The following ANO4 variants were observed in gnomAD, a reference collection of about 807,000 sequenced individuals.
ANO4 encodes the protein anoctamin 4.
A neutral mutation model predicts 141.9 loss-of-function variants in ANO4; 69 were observed. The ratio of observed to expected loss-of-function variants is 0.49; its 90% CI spans 0.40 to 0.59. The LOEUF (loss-of-function observed/expected upper bound fraction) is 0.59. Ranked by LOEUF, ANO4 falls within the 20% of genes least tolerant of loss-of-function variation. The pLI, the probability that ANO4 is intolerant of heterozygous loss-of-function variation, is 0.00. For synonymous variants in ANO4, 350 were observed against 394.3 expected, an observed-to-expected ratio of 0.89 and a Z score of 1.33; for missense variants, 894 against 1,162.2, an observed-to-expected ratio of 0.77 and a Z score of 3.36.
chr12:100,796,069 C>T (rs192979223), intron 1 of ANO4, among the ~76,000 whole-genome samples: 2 of 143,364 alleles, frequency 1.4e-5, no homozygotes, highest in Non-Finnish European at 3.0e-5. Context: ...GCAGGTGTGT[C>T]GAACTATTTT....
chr12:101,021,246 C>T (rs549531222), intron 9 of ANO4, among the ~76,000 whole-genome samples: 1 of 152,292 alleles, frequency 6.6e-6, no homozygotes, highest in Admixed American at 6.5e-5. Flanking sequence ...ACATCAGCAG[C>T]ACTACTCTGT....
intron 21 of ANO4, 128 bp downstream of exon 21, chr12:101,098,073 C>A: frequency 1.3e-6 from 1 of 743,262 alleles, no homozygotes; most frequent in South Asian, 1.8e-5. Context: ...ACTAAGTGCT[C>A]ACATTTAGAC....
intron 8 of ANO4, among the ~76,000 whole-genome samples, chr12:100,999,238 A>G (rs2136392605): frequency 6.6e-6 from 1 of 152,346 alleles, no homozygotes; most frequent in South Asian, 2.1e-4. Flanking sequence ...TCCTTTCTGG[A>G]GGAGAATCTA....
At chr12:101,090,394 T>C (rs1425654901) in intron 17 of ANO4, among the ~76,000 whole-genome samples, 4 of 152,192 alleles carry the variant, frequency 2.6e-5, no homozygotes, top group Non-Finnish European at 5.9e-5. Flanking sequence ...GTGGCACATA[T>C]ACACCAAGGA....
At chr12:101,090,634 A>G (rs2049727687) in intron 17 of ANO4, among the ~76,000 whole-genome samples, 1 of 152,164 alleles carries the variant, frequency 6.6e-6, no homozygotes, top group African/African-American at 2.4e-5. Context: ...GCATTAGGAG[A>G]TATACCTAAT....
intron 5 of ANO4, among the ~76,000 whole-genome samples, chr12:100,959,680 A>G (rs1421389621): frequency 6.6e-6 from 1 of 152,160 alleles, no homozygotes; most frequent in Non-Finnish European, 1.5e-5. Context: ...CTTGAGAAAA[A>G]CATGCTTCTC....
chr12:100,990,643 G>C (rs1030140390), intron 8 of ANO4, among the ~76,000 whole-genome samples: 1 of 152,136 alleles, frequency 6.6e-6, no homozygotes, highest in Non-Finnish European at 1.5e-5. Context: ...TTTGGACCCT[G>C]GTGTAGTAAA....
chr12:100,890,800 C>T (rs1565976661), intron 1 of ANO4, among the ~76,000 whole-genome samples: 1 of 152,132 alleles, frequency 6.6e-6, no homozygotes, highest in South Asian at 2.1e-4. Flanking sequence ...ACATCATCAC[C>T]CAGAGTCCAT....
intron 14 of ANO4, among the ~76,000 whole-genome samples, 170 bp downstream of exon 14, chr12:101,048,571 G>T (rs963724867): frequency 1.3e-5 from 2 of 152,168 alleles, no homozygotes; most frequent in Non-Finnish European, 2.9e-5. Context: ...AAACGATATT[G>T]TAGAAGAGAG....
intron 1 of ANO4, among the ~76,000 whole-genome samples, chr12:100,891,163 T>C (rs1379112100): frequency 6.6e-6 from 1 of 152,226 alleles, no homozygotes; most frequent in African/African-American, 2.4e-5. Flanking sequence ...TGTTTTGTTT[T>C]AATGCTTAAT....
chr12:100,933,108 CT>C (rs5800441), intron 3 of ANO4, among the ~76,000 whole-genome samples: 51,994 of 148,468 alleles, frequency 0.35, 9,160 homozygotes, highest in Middle Eastern at 0.44. Flanking sequence ...TCTTGTCATT[CT>C]TTTTTTTTTT....
chr12:101,090,708 T>C (rs2049732107), intron 17 of ANO4, among the ~76,000 whole-genome samples: 1 of 152,052 alleles, frequency 6.6e-6, no homozygotes, highest in African/African-American at 2.4e-5. Flanking sequence ...GTAGCAAACC[T>C]GCACATTGTG....
intron 9 of ANO4, among the ~76,000 whole-genome samples, chr12:101,034,280 C>T (rs1017519715): frequency 5.3e-5 from 8 of 152,176 alleles, no homozygotes; most frequent in Non-Finnish European, 1.0e-4. Flanking sequence ...AAATGTGGTA[C>T]ATATCCACTA....
intron 1 of ANO4, among the ~76,000 whole-genome samples, chr12:100,853,395 G>T (rs949469863): frequency 3.3e-5 from 5 of 152,060 alleles, no homozygotes; most frequent in African/African-American, 1.2e-4. Flanking sequence ...CTAATATAAT[G>T]TTCTAGAGAT....
intron 1 of ANO4, among the ~76,000 whole-genome samples, chr12:100,722,094 A>T (rs983872648): frequency 3.9e-5 from 6 of 152,184 alleles, no homozygotes; most frequent in African/African-American, 1.4e-4. Context: ...CAGGAGCAGT[A>T]TGTAGTGCTC....
rs2046816997 is a variant in ANO4 at position 101,028,115 on chromosome 12, CAGAA to C, written c.841+7978_841+7981del. On this transcript the variant is annotated intron_variant, in intron 9 of 27. Transcript: ENST00000392977. ...ACCTGACCAGTGAAAGAAAAACAAA[CAGAA>C]AGCAACAACAACAGCATCAATAACA... Among the ~76,000 whole-genome samples, 4 of 152,176 alleles carry C rather than the reference CAGAA, an allele frequency of 2.6e-5. No individual in the cohort carries two copies. In the South Asian group the frequency reaches 8.3e-4, roughly 32 times the overall value.
At chr12:100,796,169 T>G (rs1379279840) in intron 1 of ANO4, among the ~76,000 whole-genome samples, 1 of 152,176 alleles carries the variant, frequency 6.6e-6, no homozygotes, top group Non-Finnish European at 1.5e-5. Flanking sequence ...TTATCTTATT[T>G]GTGTAGGTTT....
chr12:101,018,399 G>A (rs189992808), intron 8 of ANO4, among the ~76,000 whole-genome samples: 139 of 152,318 alleles, frequency 9.1e-4, no homozygotes, highest in African/African-American at 2.9e-3. Flanking sequence ...TATTCAGTAA[G>A]AGAATCCAAG....
intron 9 of ANO4, among the ~76,000 whole-genome samples, chr12:101,034,128 C>T (rs748674555): frequency 6.6e-6 from 1 of 152,232 alleles, no homozygotes; most frequent in Admixed American, 6.5e-5. Context: ...CCCAGCAATC[C>T]CATTACTGGG....
Sources: allele counts gnomAD v4.1 joint callset (sites outside exome capture counted in the v4.1 genomes callset), GRCh38; gene constraint gnomAD v4.1.1; transcripts MANE v1.5; gene names NCBI Gene and HGNC (gene_info 2026-07-23, HGNC 2026-07-21).